Variants in AKAP10 observed in about 807,000 individuals in gnomAD.
AKAP10 encodes A-kinase anchor protein 10, mitochondrial.
AKAP10 carries 24 observed loss-of-function variants against 80.8 expected under a neutral mutation model. That is an observed-to-expected ratio of 0.30 (90% CI 0.22 to 0.42). The LOEUF (loss-of-function observed/expected upper bound fraction) is 0.42, where lower values mean the gene tolerates loss of function less well. Ranked by LOEUF, AKAP10 falls within the 10% of genes least tolerant of loss-of-function variation. The pLI is 1.00. For synonymous variants in AKAP10, 291 were observed against 277.7 expected, an observed-to-expected ratio of 1.05 and a Z score of -0.48; for missense variants, 661 against 794.9, an observed-to-expected ratio of 0.83 and a Z score of 2.03.
chr17:19,933,885 T>C (rs569826834), intron 9 of AKAP10, among the ~76,000 whole-genome samples: 1 of 152,264 alleles, frequency 6.6e-6, no homozygotes, highest in Admixed American at 6.5e-5. Context: ...GAAGAATAAA[T>C]CATTCACAAA....
At chr17:19,918,271 G>T (rs576195202) in intron 12 of AKAP10, among the ~76,000 whole-genome samples, 144 of 151,670 alleles carry the variant, frequency 9.5e-4, no homozygotes, top group Non-Finnish European at 1.2e-3. Context: ...CAGACATGGT[G>T]AATCATGCCT....
intron 1 of AKAP10, among the ~76,000 whole-genome samples, chr17:19,975,353 G>A (rs2108981): frequency 0.21 from 32,404 of 152,088 alleles, 4,038 homozygotes; most frequent in Middle Eastern, 0.33. Context: ...ACCATGGCCC[G>A]TAGAGCTCTC....
At chr17:19,946,202 ATTT>A (rs1378479819) in intron 5 of AKAP10, among the ~76,000 whole-genome samples, 3 of 46,410 alleles carry the variant, frequency 6.5e-5, no homozygotes, top group Admixed American at 3.0e-4. Flanking sequence ...TAATACATAT[ATTT>A]TATATATATA....
rs1555575647 is a variant in AKAP10, at chr17:19,939,683, C to T, written c.1322+30G>A. 3 of 1,603,976 alleles carry T rather than the reference C, an allele frequency of 1.9e-6. No individual in the cohort carries two copies. The Admixed American group carries it at 5.1e-5, about 27-fold the overall frequency. On this transcript the variant is annotated intron_variant, in intron 8 of 14. Transcript: ENST00000225737. The stretch of plus-strand genomic sequence containing the variant: ...AACATATCAAATGTTCAATAAGTAT[C>T]TGCTGAATCCATCTATCAATATAAC...
rs569096795 is a variant in AKAP10 at position 19,953,983 on chromosome 17, G to A, written c.877+4031C>T. Reference sequence around the variant, plus strand: ...GGAGGCAGAGGTTGCAGTAAGCCAAGATCTCACCACTGCACTCCAACCTGG... The same window carrying A: ...GGAGGCAGAGGTTGCAGTAAGCCAAAATCTCACCACTGCACTCCAACCTGG... On this transcript the variant is annotated intron_variant, in intron 4 of 14. Transcript: ENST00000225737. Among the ~76,000 whole-genome samples, 4 of 151,986 alleles carry A rather than the reference G, an allele frequency of 2.6e-5. No homozygotes were observed. In the South Asian group the frequency reaches 8.3e-4, roughly 32 times the overall value.
At position 19,930,137 on chromosome 17, in the gene AKAP10, C is replaced by A. The variant is rs74737104; in HGVS notation, c.1641+1668G>T. ...CAGGAGAGCTTTGTAAATGGCAATA[C>A]GATAATACTCTCTTACAAATTAGGA... On this transcript the variant is annotated intron_variant, in intron 10 of 14. Transcript: ENST00000225737. Among the ~76,000 whole-genome samples, 405 of 151,848 alleles carry A rather than the reference C, an allele frequency of 2.7e-3. 14 individuals carry two copies. In the East Asian group the frequency reaches 0.074, roughly 28 times the overall value.
chr17:19,962,867 T>C lies in AKAP10; in HGVS notation c.292A>G (p.Met98Val), dbSNP rs931614051. 6 of 1,613,886 alleles carry C rather than the reference T, an allele frequency of 3.7e-6. No individual in the cohort carries two copies. Among genetic ancestry groups the C allele is most frequent in the Non-Finnish European group, 4.2e-6 (5 of 1,179,876 alleles). Reference protein sequence around the residue: ...TATLKKQPSHMEAAHFGDLGR... With the variant: ...TATLKKQPSHVEAAHFGDLGR... Reference sequence around the variant, plus strand: ...AGGTCACCAAAATGAGCGGCCTCCATGTGGCTTGGCTGCTTCTTAAGTGTG... The same window carrying C: ...AGGTCACCAAAATGAGCGGCCTCCACGTGGCTTGGCTGCTTCTTAAGTGTG... The change falls in exon 3 of 15, where the codon ATG (methionine) becomes GTG (valine). Residue 98 changes from methionine to valine, a missense_variant. Physicochemically the swap from Met to Val is conservative, Grantham distance 21. Transcript: ENST00000225737.
chr17:19,953,431 T>G (rs1006072759), intron 4 of AKAP10, among the ~76,000 whole-genome samples: 11 of 150,562 alleles, frequency 7.3e-5, no homozygotes, highest in Non-Finnish European at 1.2e-4. Flanking sequence ...TCAATAAAAT[T>G]GAAAACAAAA....
chr17:19,909,761 A>G lies in AKAP10; in HGVS notation c.1887+165T>C, dbSNP rs566379861. Among the ~76,000 whole-genome samples, 111 of 152,338 alleles carry G rather than the reference A, an allele frequency of 7.3e-4. 1 individual carries two copies. The highest frequency in any genetic ancestry group is 5.2e-3 in the Admixed American group (79 of 15,304). Reference sequence around the variant, plus strand: ...ACTGCTACTACCAGGCAATTGTTAGATGTTAAGAAGGGACCACCCTTTCTT... The same window carrying G: ...ACTGCTACTACCAGGCAATTGTTAGGTGTTAAGAAGGGACCACCCTTTCTT... On this transcript the variant is annotated intron_variant, in intron 13 of 14. Coordinates refer to ENST00000225737, the MANE Select transcript of AKAP10 (RefSeq NM_007202.4).
rs1253488987 is a variant in AKAP10, at chr17:19,958,121, G to T, written c.770C>A (p.Thr257Asn). Residue 257 changes from threonine (T) to asparagine (N), a missense_variant, in exon 4 of 15, where the codon ACT (threonine) becomes AAT (asparagine). Thr to Asn is a moderately conservative substitution (Grantham distance 65). Transcript: ENST00000225737. ...TTGGGTTTCCATGGAAACTTGGTGA[G>T]TTCCTGCTCTGGCCATTTCAAGACG... ...SLRLEMARAG[T>N]HQVSMETQES... 2 of 1,614,144 alleles carry T rather than the reference G, an allele frequency of 1.2e-6. No homozygotes were observed. Among genetic ancestry groups the T allele is most frequent in the Non-Finnish European group, 1.7e-6 (2 of 1,180,028 alleles).
At chr17:19,910,063 C>T in intron 12 of AKAP10, 85 bp from the exon 13 acceptor site, 2 of 1,357,274 alleles carry the variant, frequency 1.5e-6, no homozygotes, top group South Asian at 1.2e-5. Context: ...CATGGTGGTT[C>T]ATGCCTGTAA....
chr17:19,908,170 G>A (rs961162971), intron 14 of AKAP10, among the ~76,000 whole-genome samples: 2 of 152,090 alleles, frequency 1.3e-5, no homozygotes, highest in African/African-American at 2.4e-5. Flanking sequence ...CAGCCTGGAC[G>A]TCAGACATTC....
At chr17:19,921,174 CTT>C (rs939131979) in intron 11 of AKAP10, among the ~76,000 whole-genome samples, 2 of 144,392 alleles carry the variant, frequency 1.4e-5, no homozygotes, top group African/African-American at 2.5e-5. Flanking sequence ...CTGAAGTATT[CTT>C]TTTTTTTTTT....
chr17:19,941,075 A>G (rs1047844170), intron 6 of AKAP10, 65 bp from the exon 7 acceptor site: 1 of 1,527,488 alleles, frequency 6.5e-7, no homozygotes, highest in Non-Finnish European at 8.8e-7. Context: ...TGGGAAAAAT[A>G]TACTCTTTCC....
rs35398779 is a variant in AKAP10, at chr17:19,949,781, G to GAA, written c.878-2278_878-2277dup. ...GAGACTCTGTCTCAAAAAAAAAAGA[G>GAA]AAAAAAAAAAAAAAACGGTGTTATT... On this transcript the variant is annotated intron_variant, in intron 4 of 14. Coordinates refer to ENST00000225737, the MANE Select transcript of AKAP10 (RefSeq NM_007202.4). 5.9e-3 allele frequency among the ~76,000 whole-genome samples: 692 copies of GAA among 117,182 alleles called. 9 individuals carry two copies. The highest frequency in any genetic ancestry group is 0.019 in the African/African-American group (668 of 34,924). 76.9% of individuals were successfully genotyped at this position (117,182 alleles called of 152,430 possible). A position where few individuals can be genotyped will look rare whatever the true frequency, so the allele number is the denominator to read the frequency against.
intron 12 of AKAP10, among the ~76,000 whole-genome samples, chr17:19,910,905 G>A (rs762651280): frequency 6.6e-5 from 10 of 152,162 alleles, no homozygotes; most frequent in Non-Finnish European, 1.2e-4. Context: ...AGAATCATCC[G>A]AAGTAGGCCA....
At chr17:19,918,501 T>TA (rs1313105142) in intron 12 of AKAP10, among the ~76,000 whole-genome samples, 6 of 152,160 alleles carry the variant, frequency 3.9e-5, no homozygotes, top group African/African-American at 1.4e-4. Flanking sequence ...CTGGCTAATT[T>TA]AGTAGAGACA....
chr17:19,971,652 T>C (rs116019887), intron 1 of AKAP10, among the ~76,000 whole-genome samples: 136 of 152,376 alleles, frequency 8.9e-4, no homozygotes, highest in African/African-American at 3.2e-3. Context: ...TTAATTGTTT[T>C]ATAAATATAC....
intron 1 of AKAP10, among the ~76,000 whole-genome samples, chr17:19,973,630 T>A (rs1052102128): frequency 6.6e-6 from 1 of 152,226 alleles, no homozygotes. Flanking sequence ...TGGAAGCCTA[T>A]GGCAAAATAA....
Sources: gnomAD v4.1 joint callset for allele counts (sites outside exome capture counted in the v4.1 genomes callset) on GRCh38, gnomAD v4.1.1 for gene constraint, MANE v1.5 for transcripts, NCBI Gene and HGNC (gene_info 2026-07-23, HGNC 2026-07-21) for gene names.